The following RBFOX3 variants were observed in gnomAD, a reference collection of about 807,000 sequenced individuals.
RBFOX3 encodes the protein RNA binding protein fox-1 homolog 3.
Under a neutral mutation model 48.7 loss-of-function variants are expected in RBFOX3, and 17 were observed. The ratio of observed to expected loss-of-function variants is 0.35; its 90% confidence interval spans 0.24 to 0.52. The LOEUF (loss-of-function observed/expected upper bound fraction) is 0.52. Among genes scored for constraint, RBFOX3 ranks in the 20% least tolerant of loss-of-function variants. The pLI, the probability that RBFOX3 is intolerant of heterozygous loss-of-function variation, is 0.94. For synonymous variants in RBFOX3, 212 were observed against 209.5 expected, an observed-to-expected ratio of 1.01 and a Z score of -0.10; for missense variants, 382 against 497.5, an observed-to-expected ratio of 0.77 and a Z score of 2.21.
chr17:79,219,381 A>G (rs887418691), intron 4 of RBFOX3, among the ~76,000 whole-genome samples: 4 of 152,200 alleles, frequency 2.6e-5, no homozygotes, highest in African/African-American at 9.6e-5. Flanking sequence ...CCTTCTCCAA[A>G]GTGTGTGCAT....
At chr17:79,568,027 C>T (rs2092533045) in intron 1 of RBFOX3, among the ~76,000 whole-genome samples, 1 of 152,122 alleles carries the variant, frequency 6.6e-6, no homozygotes, top group Admixed American at 6.5e-5. Context: ...GCATGGGTGC[C>T]CGCTCTCCAG....
the RBFOX3 span, among the ~76,000 whole-genome samples, chr17:79,616,775 C>T: frequency 3.3e-5 from 5 of 152,312 alleles, no homozygotes; most frequent in South Asian, 2.1e-4. Context: ...ATGATCAAAA[C>T]GCCCCACTAC....
At chr17:79,531,458 G>A (rs1396041225) in intron 1 of RBFOX3, among the ~76,000 whole-genome samples, 1 of 152,240 alleles carries the variant, frequency 6.6e-6, no homozygotes, top group Non-Finnish European at 1.5e-5. Flanking sequence ...CAAGCACCCT[G>A]TAAATTTAGA....
chr17:79,441,055 A>G (rs1197467206), intron 2 of RBFOX3, among the ~76,000 whole-genome samples: 2 of 152,204 alleles, frequency 1.3e-5, no homozygotes, highest in African/African-American at 4.8e-5. Flanking sequence ...GTGCAGGGAG[A>G]GGATGCCGAG....
chr17:79,407,420 T>G, intron 2 of RBFOX3, among the ~76,000 whole-genome samples: 1 of 152,270 alleles, frequency 6.6e-6, no homozygotes, highest in Middle Eastern at 3.2e-3. Context: ...AAAAGAGGCT[T>G]CCCCTGGGGG....
At chr17:79,456,778 T>C (rs1322460370) in intron 2 of RBFOX3, among the ~76,000 whole-genome samples, 1 of 151,776 alleles carries the variant, frequency 6.6e-6, no homozygotes, top group Non-Finnish European at 1.5e-5. Flanking sequence ...CCCGGCCGGC[T>C]CTCTCGGTCT....
At chr17:79,654,732 C>CT in the RBFOX3 span, among the ~76,000 whole-genome samples, 179 of 152,262 alleles carry the variant, frequency 1.2e-3, no homozygotes, top group African/African-American at 4.3e-3. Context: ...GGGAGGGCCC[C>CT]TTTTTTAAAA....
intron 1 of RBFOX3, among the ~76,000 whole-genome samples, chr17:79,546,193 G>A (rs571839185): frequency 5.8e-4 from 89 of 152,228 alleles, no homozygotes; most frequent in African/African-American, 2.0e-3. Context: ...ACTGATGAAC[G>A]ACAACCATGT....
chr17:79,419,200 G>A (rs911451180), intron 2 of RBFOX3, among the ~76,000 whole-genome samples: 6 of 152,196 alleles, frequency 3.9e-5, no homozygotes, highest in African/African-American at 7.2e-5. Flanking sequence ...TCAGGCATAC[G>A]TGGCTGGGAA....
chr17:79,169,706 G>A (rs1375849883), intron 4 of RBFOX3, among the ~76,000 whole-genome samples: 1 of 152,374 alleles, frequency 6.6e-6, no homozygotes, highest in Non-Finnish European at 1.5e-5. Flanking sequence ...CTGGGAGGCT[G>A]CCAGAGGCTG....
In RBFOX3 at chr17:79,316,573, G is replaced by T. The variant is rs1598226846; in HGVS notation, c.-174-8749C>A. Among the ~76,000 whole-genome samples the T allele has an allele frequency of 2.0e-5, 3 of 152,352 alleles. No homozygotes were observed. The East Asian group carries it at 5.8e-4, about 29-fold the overall frequency. On this transcript the variant is annotated intron_variant, in intron 2 of 14. Coordinates refer to ENST00000693108, the MANE Select transcript of RBFOX3 (RefSeq NM_001350451.2). ...AGGGAGGTCTTGAGCAAAATGAGGAGCCTGGGCCACACAGCCTGTGTCCTT... is the reference window on the plus strand; with the variant it reads ...AGGGAGGTCTTGAGCAAAATGAGGATCCTGGGCCACACAGCCTGTGTCCTT...
At chr17:79,153,735 G>C (rs2045124986) in intron 4 of RBFOX3, among the ~76,000 whole-genome samples, 1 of 152,186 alleles carries the variant, frequency 6.6e-6, no homozygotes, top group African/African-American at 2.4e-5. Context: ...ACCTGCACCT[G>C]GGCACCTGAC....
upstream of RBFOX3, among the ~76,000 whole-genome samples, chr17:79,611,130 T>TCTCTCTCCCTCTCTCTCTC (rs1491548376): frequency 2.6e-5 from 1 of 37,846 alleles, no homozygotes; most frequent in East Asian, 8.5e-4. Flanking sequence ...TCCGCCCTCC[T>TCTCTCTCCCTCTCTCTCTC]TCTCTCTCTC....
chr17:79,089,524 G>A lies in RBFOX3; in HGVS notation c.*1359C>T, dbSNP rs2073534423. 6.5e-6 allele frequency: 1 copy of A among 152,758 alleles called. No homozygotes were observed. The highest frequency in any genetic ancestry group is 2.4e-5 in the African/African-American group (1 of 41,448). 9.5% of individuals were successfully genotyped at this position (152,758 alleles called of 1,614,324 possible). On this transcript the variant is annotated 3_prime_UTR_variant, in exon 15 of 15. Coordinates refer to ENST00000693108, the MANE Select transcript of RBFOX3 (RefSeq NM_001350451.2). Reference sequence around the variant, plus strand: ...CAAGAAAAGGGTCCGGAACAGCAGAGGGGACAGGGGGCTCTGTACAGAGGA... The same window carrying A: ...CAAGAAAAGGGTCCGGAACAGCAGAAGGGACAGGGGGCTCTGTACAGAGGA...
At chr17:79,548,830 A>G (rs1324292785) in intron 1 of RBFOX3, among the ~76,000 whole-genome samples, 3 of 152,178 alleles carry the variant, frequency 2.0e-5, no homozygotes, top group Non-Finnish European at 4.4e-5. Context: ...CAGAATGAAT[A>G]TATGACAGCT....
At chr17:79,631,045 C>A in the RBFOX3 span, among the ~76,000 whole-genome samples, 4 of 152,166 alleles carry the variant, frequency 2.6e-5, no homozygotes, top group Admixed American at 2.6e-4. Flanking sequence ...AGTCGTCTCT[C>A]CACTACCTCA....
At chr17:79,506,351 C>T (rs897996678) in intron 1 of RBFOX3, among the ~76,000 whole-genome samples, 1 of 152,220 alleles carries the variant, frequency 6.6e-6, no homozygotes, top group African/African-American at 2.4e-5. Flanking sequence ...ACGGACTCGG[C>T]TCATCCTTGG....
At chr17:79,104,049 G>A (rs536806436) in intron 7 of RBFOX3, 24 bp downstream of exon 7, 3 of 1,547,098 alleles carry the variant, frequency 1.9e-6, no homozygotes, top group Non-Finnish European at 2.6e-6. Flanking sequence ...GCGCTGTAAG[G>A]CGGCAGCTCC....
At chr17:79,237,662 A>C (rs993201043) in intron 3 of RBFOX3, among the ~76,000 whole-genome samples, 1 of 152,172 alleles carries the variant, frequency 6.6e-6, no homozygotes, top group Admixed American at 6.5e-5. Flanking sequence ...GGCCCCTCCC[A>C]GCCGCATCAG....
Sources: allele counts gnomAD v4.1 joint callset (sites outside exome capture counted in the v4.1 genomes callset), GRCh38; gene constraint gnomAD v4.1.1; transcripts MANE v1.5; gene names NCBI Gene and HGNC (gene_info 2026-07-23, HGNC 2026-07-21).